Variants in PCDHGA4 observed in about 807,000 individuals in gnomAD.
The protein encoded by PCDHGA4 is protocadherin gamma subfamily A, 4.
Under a neutral mutation model 54.6 loss-of-function variants are expected in PCDHGA4, and 38 were observed. That is an observed-to-expected ratio of 0.70 (90% CI 0.54 to 0.91). The LOEUF (loss-of-function observed/expected upper bound fraction) is 0.91, where lower values mean the gene tolerates loss of function less well. PCDHGA4 is among the 40% of genes least tolerant of loss of function. PCDHGA4 has a pLI of 0.00. For missense variants in PCDHGA4, 1,298 were observed against 1,220.9 expected (o/e 1.06, Z -0.94); for synonymous variants, 511 against 512.9 (o/e 1.00, Z 0.05).
At chr5:141,460,488 T>C (rs1226287742) in intron 1 of PCDHGA4, among the ~76,000 whole-genome samples, 1 of 152,186 alleles carries the variant, frequency 6.6e-6, no homozygotes, top group Admixed American at 6.6e-5. Flanking sequence ...ATTGTCTCTT[T>C]GGAAAAATAT....
In PCDHGA4 at chr5:141,511,460, A is replaced by ACCC. The variant is rs1367357803; in HGVS notation, c.*289_*291dup. The ACCC allele has an allele frequency of 2.4e-4, 137 of 564,806 alleles. 1 individual carries two copies. In the Middle Eastern group the frequency reaches 2.7e-3, roughly 11 times the overall value. The allele number at this position is 564,806 out of a possible 1,614,324, so 35.0% of individuals were successfully genotyped here. A position where few individuals can be genotyped will look rare whatever the true frequency, so the allele number is the denominator to read the frequency against. ...GTAGACACCAAGAACCATTTGCCAC[A>ACCC]CCCCGTTTAGTTACAGCTGAACTCC... On this transcript the variant is annotated 3_prime_UTR_variant, in exon 4 of 4. Transcript: ENST00000571252.
In PCDHGA4 at chr5:141,489,335, G is replaced by A. The variant is rs138015049; in HGVS notation, c.2515-5472G>A. The A allele has an allele frequency of 8.2e-5, 132 of 1,607,244 alleles. No individual in the cohort carries two copies. The African/African-American group carries it at 1.5e-3, about 18-fold the overall frequency. On this transcript the variant is annotated intron_variant, in intron 1 of 3. Transcript: ENST00000571252. This position sits in a 1 kb window ranked among gnomAD's most constrained non-coding sequence, Gnocchi z 4.5. ...TGGGGCTGGGTGTCTGGGCAGCTTC[G>A]TTACTCAGTGGTGGAGGAGTCTGAG...
At chr5:141,381,785 G>T (rs1349926565) in intron 1 of PCDHGA4, among the ~76,000 whole-genome samples, 1 of 149,782 alleles carries the variant, frequency 6.7e-6, no homozygotes, top group Non-Finnish European at 1.5e-5. Context: ...CAGGAACAAG[G>T]CAAGGCAATT....
intron 1 of PCDHGA4, among the ~76,000 whole-genome samples, chr5:141,452,689 C>G (rs1198702467): frequency 6.6e-6 from 1 of 151,562 alleles, no homozygotes; most frequent in Non-Finnish European, 1.5e-5. Context: ...AGAATGAAAC[C>G]CTGTCAAGAA....
Position 141,487,070 on chromosome 5 carries a change from C to T in PCDHGA4, c.2515-7737C>T. ...TGCTGGGGAGGTGCGGACGGCTGTT[C>T]CTATCCCAGCTGACCTCCCACCACA... On this transcript the variant is annotated intron_variant, in intron 1 of 3. Coordinates refer to ENST00000571252, the MANE Select transcript of PCDHGA4 (RefSeq NM_018917.4). This position sits in a 1 kb window ranked among gnomAD's most constrained non-coding sequence, Gnocchi z 5.0. The T allele has an allele frequency of 6.2e-7, 1 of 1,614,154 alleles. No homozygotes were observed. Among genetic ancestry groups the T allele is most frequent in the Non-Finnish European group, 8.5e-7 (1 of 1,180,008 alleles).
chr5:141,398,964 T>C lies in PCDHGA4; in HGVS notation c.2514+41343T>C, dbSNP rs768223911. 1.5e-5 allele frequency: 25 copies of C among 1,613,826 alleles called. No homozygotes were observed. In the South Asian group the frequency reaches 2.4e-4, roughly 16 times the overall value. On this transcript the variant is annotated intron_variant, in intron 1 of 3. Coordinates refer to ENST00000571252, the MANE Select transcript of PCDHGA4 (RefSeq NM_018917.4). ...AGGGCATCAACTCAGAAATTACTTA[T>C]TCCTTCTACAGAACCGGGCAAATCT...
chr5:141,437,217 T>G (rs2097868672), intron 1 of PCDHGA4, among the ~76,000 whole-genome samples: 1 of 152,230 alleles, frequency 6.6e-6, no homozygotes, highest in Admixed American at 6.5e-5. Flanking sequence ...TTATTCTGAT[T>G]CCAGTCATAA....
At chr5:141,510,906 C>G in intron 3 of PCDHGA4, 41 bp from the exon 4 acceptor site, 1 of 1,613,582 alleles carries the variant, frequency 6.2e-7, no homozygotes, top group Non-Finnish European at 8.5e-7. Context: ...TGTTGAGGAC[C>G]CTAAGTTTAG....
At chr5:141,373,075 G>T (rs1337771380) in intron 1 of PCDHGA4, among the ~76,000 whole-genome samples, 1 of 152,076 alleles carries the variant, frequency 6.6e-6, no homozygotes, top group Non-Finnish European at 1.5e-5. Flanking sequence ...TTTTAATACA[G>T]TATTATCTCA....
chr5:141,399,773 G>A (rs750173338), intron 1 of PCDHGA4: 3 of 1,613,302 alleles, frequency 1.9e-6, no homozygotes, highest in Admixed American at 1.7e-5. Flanking sequence ...GTGTTGGTGG[G>A]CGACCGAAAC....
At chr5:141,424,717 T>G (rs914445969) in intron 1 of PCDHGA4, 1 of 152,202 alleles carries the variant, frequency 6.6e-6, no homozygotes, top group Non-Finnish European at 1.5e-5. Context: ...TCAGTGTAGT[T>G]GGGAGTCATA....
chr5:141,437,622 A>G (rs1007643306), intron 1 of PCDHGA4, among the ~76,000 whole-genome samples: 2 of 152,192 alleles, frequency 1.3e-5, no homozygotes, highest in Non-Finnish European at 2.9e-5. Flanking sequence ...TTATCCCCAT[A>G]TAAGATGTCA....
chr5:141,387,742 C>T, intron 1 of PCDHGA4: 5 of 1,340,938 alleles, frequency 3.7e-6, no homozygotes, highest in Non-Finnish European at 5.0e-6. Context: ...CTTTACACCG[C>T]TTCCTCCTCG....
chr5:141,426,794 G>C (rs1319220934), intron 1 of PCDHGA4: 1 of 456,708 alleles, frequency 2.2e-6, no homozygotes, highest in East Asian at 6.9e-5. Flanking sequence ...AGAGTTACCA[G>C]CTCAGTTCTA....
chr5:141,505,362 G>A (rs766427680), intron 2 of PCDHGA4, 31 bp from the exon 3 acceptor site: 1 of 1,613,966 alleles, frequency 6.2e-7, no homozygotes, highest in Non-Finnish European at 8.5e-7. Flanking sequence ...CGGCCTGGGA[G>A]TCTGTGCTCA....
chr5:141,503,598 CAAAA>C (rs765754054), intron 2 of PCDHGA4, among the ~76,000 whole-genome samples: 2 of 65,756 alleles, frequency 3.0e-5, no homozygotes. Flanking sequence ...GACTCCAGCT[CAAAA>C]AAAAAAAAAA....
intron 1 of PCDHGA4, among the ~76,000 whole-genome samples, chr5:141,401,410 A>C (rs536817103): frequency 6.6e-6 from 1 of 152,236 alleles, no homozygotes; most frequent in South Asian, 2.1e-4. Flanking sequence ...TGAGAGAGAA[A>C]GAGAGAGACT....
Position 141,458,657 on chromosome 5 carries a change from C to T in PCDHGA4, c.2515-36150C>T, listed in dbSNP as rs1214452360. On this transcript the variant is annotated intron_variant, in intron 1 of 3. Coordinates refer to ENST00000571252, the MANE Select transcript of PCDHGA4 (RefSeq NM_018917.4). ...CAATCCCAGCTCACTGCAACCTCCA[C>T]CTCTCGGGTTCAAGCAATTCTACTG... Among the ~76,000 whole-genome samples, 6 of 152,276 alleles carry T rather than the reference C, an allele frequency of 3.9e-5. No homozygotes were observed. In the East Asian group the frequency reaches 9.6e-4, roughly 24 times the overall value.
At chr5:141,400,592 G>T in intron 1 of PCDHGA4, 1 of 1,603,196 alleles carries the variant, frequency 6.2e-7, no homozygotes, top group Non-Finnish European at 8.5e-7. Context: ...TGAAACTATC[G>T]TACATTTTCA....
Sources: gnomAD v4.1 joint callset for allele counts (sites outside exome capture counted in the v4.1 genomes callset) on GRCh38, gnomAD v4.1.1 for gene constraint, Gnocchi (gnomAD v3.1) non-coding constraint, MANE v1.5 for transcripts, NCBI Gene and HGNC (gene_info 2026-07-23, HGNC 2026-07-21) for gene names.